The following TSPAN2 variants were observed in gnomAD, a reference collection of about 807,000 sequenced individuals.
TSPAN2 encodes tetraspanin 2.
In TSPAN2, 24 loss-of-function variants were observed where a neutral mutation model predicts 33.3. The observed-to-expected ratio is 0.72, with a 90% CI of 0.52 to 1.01. TSPAN2 has a LOEUF of 1.01. Ranked by LOEUF, TSPAN2 falls within the 50% of genes least tolerant of loss-of-function variation. The pLI, the probability that TSPAN2 is intolerant of heterozygous loss-of-function variation, is 0.00. For missense variants in TSPAN2, 278 were observed against 281.3 expected (o/e 0.99, Z 0.08); for synonymous variants, 114 against 104.5 (o/e 1.09, Z -0.56).
At chr1:115,055,924 T>A (rs1384551479) in intron 6 of TSPAN2, among the ~76,000 whole-genome samples, 11 of 152,234 alleles carry the variant, frequency 7.2e-5, no homozygotes, top group Non-Finnish European at 1.5e-4. Flanking sequence ...ATGAATAACA[T>A]GTAATGAGCA....
intron 2 of TSPAN2, among the ~76,000 whole-genome samples, chr1:115,063,543 G>A (rs1156643334): frequency 1.3e-5 from 2 of 152,222 alleles, no homozygotes; most frequent in African/African-American, 2.4e-5. Flanking sequence ...ACTACCACTC[G>A]ACCCGGCAAT....
At chr1:115,080,249 AAGAATT>A (rs1343351107) in intron 1 of TSPAN2, among the ~76,000 whole-genome samples, 3 of 152,306 alleles carry the variant, frequency 2.0e-5, no homozygotes, top group African/African-American at 7.2e-5. Flanking sequence ...AGGGAACATC[AAGAATT>A]AGGAGAAAGA....
At chr1:115,071,201 A>G (rs755905462) in intron 2 of TSPAN2, among the ~76,000 whole-genome samples, 2 of 152,176 alleles carry the variant, frequency 1.3e-5, no homozygotes, top group African/African-American at 2.4e-5. Flanking sequence ...AGATCCAATC[A>G]TAGTAATTCG....
chr1:115,074,632 G>A (rs1407051599), intron 1 of TSPAN2, among the ~76,000 whole-genome samples: 1 of 152,200 alleles, frequency 6.6e-6, no homozygotes, highest in Non-Finnish European at 1.5e-5. Flanking sequence ...TGAAGGACAG[G>A]ATTCCAGGTG....
At chr1:115,052,856 C>T (rs1406783379) in intron 7 of TSPAN2, among the ~76,000 whole-genome samples, 1 of 152,138 alleles carries the variant, frequency 6.6e-6, no homozygotes, top group Non-Finnish European at 1.5e-5. Flanking sequence ...TCACGGCAAT[C>T]CTATAAGGTT....
Position 115,048,362 on chromosome 1 carries a change from C to A in TSPAN2, c.*2128G>T, listed in dbSNP as rs952209910. 1 of 150,786 alleles carries A rather than the reference C, an allele frequency of 6.6e-6. No individual in the cohort carries two copies. The highest frequency in any genetic ancestry group is 1.5e-5 in the Non-Finnish European group (1 of 67,626). The allele number at this position is 150,786 out of a possible 1,614,324, so 9.3% of individuals were successfully genotyped here. A position where few individuals can be genotyped will look rare whatever the true frequency, so the allele number is the denominator to read the frequency against. ...GTGTGTGTGTATATATATCCACACA[C>A]ACATATAAAATCTATTGTTGCTTAG... On this transcript the variant is annotated 3_prime_UTR_variant, in exon 8 of 8. Transcript: ENST00000369516.
At position 115,048,995 on chromosome 1, in the gene TSPAN2, A is replaced by T. The variant is rs1195353959; in HGVS notation, c.*1495T>A. The T allele has an allele frequency of 6.6e-6, 1 of 151,920 alleles. No homozygotes were observed. The highest frequency in any genetic ancestry group is 1.5e-5 in the Non-Finnish European group (1 of 67,882). The allele number at this position is 151,920 out of a possible 1,614,324, so 9.4% of individuals were successfully genotyped here. A position where few individuals can be genotyped will look rare whatever the true frequency, so the allele number is the denominator to read the frequency against. ...TTTGTGAGTTTTTTGGGAGTGTGAC[A>T]CTTTTAGTGCACACTCAAAGACTTG... On this transcript the variant is annotated 3_prime_UTR_variant, in exon 8 of 8. Coordinates refer to ENST00000369516, the MANE Select transcript of TSPAN2 (RefSeq NM_005725.6).
Position 115,072,906 on chromosome 1 carries a change from C to G in TSPAN2, c.171G>C (p.Val57=). 1.2e-6 allele frequency: 2 copies of G among 1,612,472 alleles called. No individual in the cohort carries two copies. Among genetic ancestry groups the G allele is most frequent in the Non-Finnish European group, 1.7e-6 (2 of 1,178,512 alleles). The change falls in exon 2 of 8, where the codon GTG becomes GTC. Residue 57 remains valine (V), a splice_region_variant and synonymous_variant. Transcript: ENST00000369516. The stretch of plus-strand genomic sequence containing the variant: ...GCTTAGGAAGCTGGAGTCACTCACC[C>G]ACATAGAAATACTCTGGGGACTTGT... ...SEDKSPEYFY[V]GLYVLVGAGA... is the part of the protein sequence containing the mutation.
chr1:115,053,323 G>T, intron 7 of TSPAN2, 56 bp downstream of exon 7: 1 of 1,471,654 alleles, frequency 6.8e-7, no homozygotes, highest in Non-Finnish European at 9.5e-7. Flanking sequence ...GAAATAAGAT[G>T]CAAAGTTTCA....
At chr1:115,055,574 A>G (rs1647379536) in intron 6 of TSPAN2, among the ~76,000 whole-genome samples, 1 of 151,948 alleles carries the variant, frequency 6.6e-6, no homozygotes, top group African/African-American at 2.4e-5. Flanking sequence ...CCCAGGCTGT[A>G]GTGCAGTGGC....
At chr1:115,087,633 A>AG (rs1648895015) in intron 1 of TSPAN2, among the ~76,000 whole-genome samples, 2 of 151,362 alleles carry the variant, frequency 1.3e-5, no homozygotes, top group South Asian at 2.1e-4. Context: ...AAAAAAAAAA[A>AG]AGAGAAGGTA....
chr1:115,063,291 A>G (rs1467298798), intron 2 of TSPAN2, among the ~76,000 whole-genome samples: 5 of 152,262 alleles, frequency 3.3e-5, no homozygotes, highest in Non-Finnish European at 7.3e-5. Context: ...TCCAAAGAAG[A>G]CATGCAAGCG....
intron 2 of TSPAN2, among the ~76,000 whole-genome samples, chr1:115,064,565 T>C (rs1241813881): frequency 6.6e-6 from 1 of 152,218 alleles, no homozygotes; most frequent in African/African-American, 2.4e-5. Flanking sequence ...TCATTATAGA[T>C]TTCAAGTTGA....
At chr1:115,075,794 T>G (rs999660704) in intron 1 of TSPAN2, among the ~76,000 whole-genome samples, 1 of 152,150 alleles carries the variant, frequency 6.6e-6, no homozygotes, top group Non-Finnish European at 1.5e-5. Flanking sequence ...TCAACCCCTC[T>G]TGCATTCAGA....
intron 1 of TSPAN2, among the ~76,000 whole-genome samples, chr1:115,078,154 TG>T (rs1648490777): frequency 6.6e-6 from 1 of 152,230 alleles, no homozygotes; most frequent in South Asian, 2.1e-4. Context: ...TCCCCCTAGC[TG>T]ACACCCATTC....
chr1:115,067,745 G>A (rs1051001708), intron 2 of TSPAN2, among the ~76,000 whole-genome samples: 6 of 152,194 alleles, frequency 3.9e-5, no homozygotes, highest in African/African-American at 7.2e-5. Flanking sequence ...TGGCTCCTGC[G>A]TGTGTGGGCA....
chr1:115,063,664 A>G (rs997682003), intron 2 of TSPAN2, among the ~76,000 whole-genome samples: 1 of 152,254 alleles, frequency 6.6e-6, no homozygotes, highest in Non-Finnish European at 1.5e-5. Context: ...CCAGGTGCCC[A>G]TCAATGGTAG....
chr1:115,058,778 C>T (rs1347393375), intron 5 of TSPAN2, 105 bp downstream of exon 5: 10 of 1,039,510 alleles, frequency 9.6e-6, no homozygotes, highest in Middle Eastern at 4.1e-4. Flanking sequence ...TGCTACTTGG[C>T]TTTACTGAAT....
rs1209718546 is a variant in TSPAN2, at chr1:115,058,910, A to C, written c.417T>G (p.Asn139Lys). Residue 139 changes from asparagine (N) to lysine (K), a missense_variant, in exon 5 of 8, where the codon AAT (asparagine) becomes AAG (lysine). By Grantham distance (94) the Asn-to-Lys change is moderately conservative. Coordinates refer to ENST00000369516, the MANE Select transcript of TSPAN2 (RefSeq NM_005725.6). ...TTGAGTGGAAGGTGATGAGTGTCCC[A>C]TTGCCTTTTCCCCTGTCTTTAAGGT... ...NDYLKDRGKG[N>K]GTLITFHSTF... The C allele has an allele frequency of 4.3e-6, 7 of 1,613,932 alleles. No individual in the cohort carries two copies.
Sources: gnomAD v4.1 joint callset for allele counts (sites outside exome capture counted in the v4.1 genomes callset) on GRCh38, gnomAD v4.1.1 for gene constraint, MANE v1.5 for transcripts, NCBI Gene and HGNC (gene_info 2026-07-23, HGNC 2026-07-21) for gene names.